The following FAM117B variants were observed in gnomAD, a reference collection of about 807,000 sequenced individuals.
The protein encoded by FAM117B is protein FAM117B.
A neutral mutation model predicts 52.8 loss-of-function variants in FAM117B; 22 were observed. The ratio of observed to expected loss-of-function variants is 0.42; its 90% CI spans 0.30 to 0.59. FAM117B has a LOEUF of 0.59. Among genes scored for constraint, FAM117B ranks in the 20% least tolerant of loss-of-function variants. The pLI, the probability that FAM117B is intolerant of heterozygous loss-of-function variation, is 0.22. For synonymous variants in FAM117B, 309 were observed against 324.1 expected, an observed-to-expected ratio of 0.95 and a Z score of 0.50; for missense variants, 678 against 802.6, an observed-to-expected ratio of 0.84 and a Z score of 1.88.
intron 7 of FAM117B, among the ~76,000 whole-genome samples, chr2:202,760,856 G>A (rs1175667049): frequency 3.9e-5 from 6 of 152,136 alleles, no homozygotes; most frequent in Admixed American, 2.6e-4. Flanking sequence ...ATTCTATTAG[G>A]TTAAAATCTG....
intron 1 of FAM117B, among the ~76,000 whole-genome samples, chr2:202,684,849 A>G (rs1001103303): frequency 6.6e-6 from 1 of 152,230 alleles, no homozygotes; most frequent in Non-Finnish European, 1.5e-5. Flanking sequence ...CCTAGGAATA[A>G]TGGCTCAGTA....
intron 4 of FAM117B, among the ~76,000 whole-genome samples, chr2:202,751,331 T>C (rs977465693): frequency 6.6e-6 from 1 of 152,190 alleles, no homozygotes; most frequent in African/African-American, 2.4e-5. Context: ...ATGACATTGA[T>C]TGTGCTTTAG....
intron 4 of FAM117B, among the ~76,000 whole-genome samples, chr2:202,754,732 C>A (rs34349435): frequency 0.025 from 3,725 of 150,786 alleles, 75 homozygotes; most frequent in South Asian, 0.077. Context: ...ACTAAAAATA[C>A]CAAAAAAATT....
intron 1 of FAM117B, among the ~76,000 whole-genome samples, chr2:202,684,984 A>AC (rs1286662170): frequency 2.6e-5 from 4 of 151,480 alleles, no homozygotes; most frequent in African/African-American, 9.8e-5. Flanking sequence ...GATTATCTCA[A>AC]AAAAAATTTT....
intron 4 of FAM117B, among the ~76,000 whole-genome samples, chr2:202,742,903 G>A (rs1193276214): frequency 6.6e-6 from 1 of 152,206 alleles, no homozygotes; most frequent in East Asian, 1.9e-4. Context: ...GGGAGTCTGA[G>A]GATTGGCCCA....
At chr2:202,738,927 G>A (rs1464845944) in intron 4 of FAM117B, among the ~76,000 whole-genome samples, 1 of 152,144 alleles carries the variant, frequency 6.6e-6, no homozygotes, top group Admixed American at 6.5e-5. Flanking sequence ...GGTGGCTCAC[G>A]CCTGTAATCC....
intron 1 of FAM117B, among the ~76,000 whole-genome samples, chr2:202,645,620 T>C (rs1442707765): frequency 6.6e-6 from 1 of 151,066 alleles, no homozygotes; most frequent in Non-Finnish European, 1.5e-5. Flanking sequence ...ATTTATTTAT[T>C]TGAGACGGAG....
At chr2:202,636,132 C>T (rs1022697267) in intron 1 of FAM117B, among the ~76,000 whole-genome samples, 1 of 152,234 alleles carries the variant, frequency 6.6e-6, no homozygotes, top group African/African-American at 2.4e-5. Flanking sequence ...ACTGCTTACC[C>T]TCCCTTGAGG....
intron 1 of FAM117B, among the ~76,000 whole-genome samples, chr2:202,657,606 G>T (rs1259112096): frequency 6.6e-6 from 1 of 151,930 alleles, no homozygotes; most frequent in Non-Finnish European, 1.5e-5. Flanking sequence ...TTCAAACCTT[G>T]GCTTCCTGAG....
intron 1 of FAM117B, among the ~76,000 whole-genome samples, chr2:202,655,732 G>C (rs998277589): frequency 0.033 from 4,929 of 148,142 alleles, 336 homozygotes; most frequent in African/African-American, 0.11. Flanking sequence ...GAGAGAGAGA[G>C]AGAGAGAGAG....
chr2:202,678,786 G>T (rs1175079121), intron 1 of FAM117B, among the ~76,000 whole-genome samples: 2 of 152,118 alleles, frequency 1.3e-5, no homozygotes, highest in Non-Finnish European at 2.9e-5. Flanking sequence ...TTGAACTCCC[G>T]ACCTCAGGTG....
chr2:202,728,138 C>T (rs1309529656), intron 4 of FAM117B, among the ~76,000 whole-genome samples: 1 of 152,136 alleles, frequency 6.6e-6, no homozygotes, highest in Non-Finnish European at 1.5e-5. Context: ...CACCACCATG[C>T]CTGGCTAATA....
At chr2:202,693,792 C>T (rs954861673) in intron 1 of FAM117B, among the ~76,000 whole-genome samples, 9 of 152,072 alleles carry the variant, frequency 5.9e-5, no homozygotes, top group African/African-American at 1.4e-4. Flanking sequence ...GTGACTCTGC[C>T]GTAATGTGTC....
chr2:202,661,441 GT>G (rs1238281837), intron 1 of FAM117B, among the ~76,000 whole-genome samples: 2 of 152,132 alleles, frequency 1.3e-5, no homozygotes, highest in Non-Finnish European at 2.9e-5. Context: ...AATGCTAAGT[GT>G]TTTGAATATG....
chr2:202,696,789 G>C (rs1690717990), intron 2 of FAM117B, among the ~76,000 whole-genome samples: 1 of 152,202 alleles, frequency 6.6e-6, no homozygotes, highest in Non-Finnish European at 1.5e-5. Context: ...TTCAGGGCCA[G>C]GCGGGATGGC....
chr2:202,673,512 A>G (rs1265240115), intron 1 of FAM117B, among the ~76,000 whole-genome samples: 1 of 123,492 alleles, frequency 8.1e-6, no homozygotes, highest in Non-Finnish European at 1.6e-5. Context: ...CAGTGGTGCA[A>G]TCTCGGCTCA....
At chr2:202,638,078 A>G (rs997914541) in intron 1 of FAM117B, among the ~76,000 whole-genome samples, 1 of 152,006 alleles carries the variant, frequency 6.6e-6, no homozygotes, top group Admixed American at 6.6e-5. Flanking sequence ...GTTTCTCCAC[A>G]TTCGTCAGGC....
intron 7 of FAM117B, among the ~76,000 whole-genome samples, chr2:202,763,340 G>A (rs1302470622): frequency 6.6e-6 from 1 of 152,090 alleles, no homozygotes; most frequent in African/African-American, 2.4e-5. Flanking sequence ...CCAAAGTGCT[G>A]GGATTACAAG....
At chr2:202,678,256 G>A (rs994507460) in intron 1 of FAM117B, among the ~76,000 whole-genome samples, 8 of 152,140 alleles carry the variant, frequency 5.3e-5, no homozygotes, top group African/African-American at 7.2e-5. Flanking sequence ...ATACAGAGAC[G>A]GAGGGAGTGG....
Sources: gnomAD v4.1 joint callset for allele counts (sites outside exome capture counted in the v4.1 genomes callset) on GRCh38, gnomAD v4.1.1 for gene constraint, MANE v1.5 for transcripts, NCBI Gene and HGNC (gene_info 2026-07-23, HGNC 2026-07-21) for gene names.